CACHD1: variants seen among roughly 807,000 people sequenced by gnomAD.
The protein encoded by CACHD1 is VWFA and cache domain-containing protein 1.
CACHD1 carries 71 observed loss-of-function variants against 138.7 expected under a neutral mutation model. The ratio of observed to expected loss-of-function variants is 0.51; its 90% CI spans 0.42 to 0.62. The LOEUF is 0.62. CACHD1 is among the 20% of genes least tolerant of loss of function. CACHD1 has a pLI of 0.00. For missense variants in CACHD1, 1,389 were observed against 1,625.3 expected (o/e 0.85, Z 2.50); for synonymous variants, 578 against 591.5 (o/e 0.98, Z 0.33).
intron 6 of CACHD1, among the ~76,000 whole-genome samples, 197 bp downstream of exon 6, chr1:64,632,940 C>T (rs1033004716): frequency 2.6e-5 from 4 of 152,198 alleles, no homozygotes; most frequent in Admixed American, 1.3e-4. Flanking sequence ...CTTAAACAGT[C>T]GGAACACCTA....
intron 8 of CACHD1, among the ~76,000 whole-genome samples, chr1:64,645,122 G>A (rs1648860845): frequency 6.6e-6 from 1 of 152,006 alleles, no homozygotes; most frequent in African/African-American, 2.4e-5. Flanking sequence ...TAAAACACTT[G>A]AACTACAGGA....
intron 7 of CACHD1, among the ~76,000 whole-genome samples, chr1:64,637,906 A>G (rs544935388): frequency 1.3e-5 from 2 of 152,312 alleles, no homozygotes; most frequent in Non-Finnish European, 2.9e-5. Flanking sequence ...ATAGATTTCA[A>G]CTAGTGTTCT....
At position 64,652,139 on chromosome 1, in the gene CACHD1, T is replaced by A. The variant is rs12066620; in HGVS notation, c.1391-22T>A. 3.9e-4 allele frequency: 614 copies of A among 1,587,460 alleles called. 3 individuals are homozygous for A. The African/African-American group carries it at 7.2e-3, about 19-fold the overall frequency. On this transcript the variant is annotated intron_variant, in intron 9 of 26. Coordinates refer to ENST00000651257, the MANE Select transcript of CACHD1 (RefSeq NM_020925.4). The stretch of plus-strand genomic sequence containing the variant: ...ATTCCTTCTCTGCTGGTCTTTAGAT[T>A]TATTTTGTTTTTAACCCATAGGTTT...
intron 1 of CACHD1, chr1:64,506,250 T>A (rs1327663863): frequency 6.6e-6 from 1 of 152,224 alleles, no homozygotes; most frequent in African/African-American, 2.4e-5. Context: ...CTTGGCGTTT[T>A]GCTGGGCTCC....
Position 64,691,549 on chromosome 1 carries a change from T to C in CACHD1, c.3813T>C (p.Asp1271=), listed in dbSNP as rs770400869. The change falls in exon 27 of 27, where the codon GAT becomes GAC. Residue 1271 remains aspartate, a synonymous_variant. Coordinates refer to ENST00000651257, the MANE Select transcript of CACHD1 (RefSeq NM_020925.4). The part of the protein sequence containing the change: ...LQAAVTVHTV[D]AEC ...CGGCCGTCACGGTACACACTGTCGATGCAGAATGCTAACAATCTCCTCACC... is the reference window on the plus strand; with the variant it reads ...CGGCCGTCACGGTACACACTGTCGACGCAGAATGCTAACAATCTCCTCACC... 6.2e-7 allele frequency: 1 copy of C among 1,613,590 alleles called. No individual in the cohort carries two copies. The highest frequency in any genetic ancestry group is 1.7e-5 in the Admixed American group (1 of 59,998).
rs1404127226 is a variant in CACHD1, at chr1:64,671,825, G to A, written c.2510+139G>A. The stretch of plus-strand genomic sequence containing the variant: ...ATGGCCTGGGTGTCCTATTAAGAAG[G>A]TTTTTGTTCTTTTTCTCTTCTTTCG... On this transcript the variant is annotated intron_variant, in intron 17 of 26. Transcript: ENST00000651257. 5.7e-6 allele frequency: 6 copies of A among 1,050,702 alleles called. No individual in the cohort carries two copies. In the East Asian group the frequency reaches 1.4e-4, roughly 25 times the overall value. The allele number at this position is 1,050,702 out of a possible 1,614,324, so 65.1% of individuals were successfully genotyped here. A position where few individuals can be genotyped will look rare whatever the true frequency, so the allele number is the denominator to read the frequency against.
intron 13 of CACHD1, among the ~76,000 whole-genome samples, chr1:64,660,121 A>T (rs1006678547): frequency 4.5e-4 from 69 of 152,188 alleles, no homozygotes; most frequent in African/African-American, 1.6e-3. Flanking sequence ...ATGTTTAAAA[A>T]TTTCATATTT....
At chr1:64,621,415 AGC>A (rs1647908877) in intron 4 of CACHD1, among the ~76,000 whole-genome samples, 1 of 152,124 alleles carries the variant, frequency 6.6e-6, no homozygotes, top group African/African-American at 2.4e-5. Flanking sequence ...GATCAAAGCC[AGC>A]TGGAAGTTTG....
intron 2 of CACHD1, among the ~76,000 whole-genome samples, chr1:64,576,910 T>TGTTTG (rs55724211): frequency 3.3e-5 from 5 of 151,606 alleles, no homozygotes; most frequent in Admixed American, 1.3e-4. Flanking sequence ...TTTGTTTGTT[T>TGTTTG]TTTTTTTTTA....
At chr1:64,691,278 C>T (rs372700135) in intron 26 of CACHD1, 45 bp from the exon 27 acceptor site, 152 of 1,563,146 alleles carry the variant, frequency 9.7e-5, no homozygotes, top group Non-Finnish European at 1.3e-4. Context: ...CTTCTGTCTG[C>T]GTCTTGAAGC....
chr1:64,595,863 C>G (rs1647146753), intron 3 of CACHD1, among the ~76,000 whole-genome samples: 1 of 152,158 alleles, frequency 6.6e-6, no homozygotes, highest in South Asian at 2.1e-4. Flanking sequence ...GAGGGAGACA[C>G]TTTATTGCTC....
At chr1:64,494,262 C>A (rs1031670887) in intron 1 of CACHD1, among the ~76,000 whole-genome samples, 2 of 152,170 alleles carry the variant, frequency 1.3e-5, no homozygotes, top group African/African-American at 4.8e-5. Context: ...TTCTTTTAGA[C>A]CAGGTAGGGG....
chr1:64,543,402 CATATAT>C lies in CACHD1; in HGVS notation c.199-7173_199-7168del, dbSNP rs140966471. Among the ~76,000 whole-genome samples, 14 of 126,886 alleles carry C rather than the reference CATATAT, an allele frequency of 1.1e-4. 1 individual carries two copies. Among genetic ancestry groups the C allele is most frequent in the African/African-American group, 3.6e-4 (11 of 30,578 alleles). 83.2% of individuals were successfully genotyped at this position (126,886 alleles called of 152,430 possible). A position where few individuals can be genotyped will look rare whatever the true frequency, so the allele number is the denominator to read the frequency against. On this transcript the variant is annotated intron_variant, in intron 1 of 26. Coordinates refer to ENST00000651257, the MANE Select transcript of CACHD1 (RefSeq NM_020925.4). ...GAGATCCTATCTCTAAAAAAAAATA[CATATAT>C]ATATATATATATATATATTTAAATT...
chr1:64,573,838 GC>G (rs140064205), intron 2 of CACHD1, among the ~76,000 whole-genome samples: 5,384 of 152,312 alleles, frequency 0.035, 124 homozygotes, highest in Middle Eastern at 0.082. Context: ...ATTACCAAGG[GC>G]TGTTGTGAAG....
intron 1 of CACHD1, among the ~76,000 whole-genome samples, chr1:64,483,663 G>A (rs941117191): frequency 2.9e-5 from 4 of 139,420 alleles, no homozygotes; most frequent in African/African-American, 1.2e-4. Flanking sequence ...AGGCAACATG[G>A]TGAGACCCTG....
At chr1:64,482,809 C>G (rs1157659747) in intron 1 of CACHD1, among the ~76,000 whole-genome samples, 2 of 152,078 alleles carry the variant, frequency 1.3e-5, no homozygotes, top group African/African-American at 2.4e-5. Context: ...ATTCAGATAA[C>G]AAATGTAGGC....
chr1:64,533,054 C>A (rs1177033160), intron 1 of CACHD1, among the ~76,000 whole-genome samples: 1 of 152,152 alleles, frequency 6.6e-6, no homozygotes, highest in Admixed American at 6.5e-5. Flanking sequence ...CCAACAGAGC[C>A]CCAAAGAGGG....
intron 7 of CACHD1, among the ~76,000 whole-genome samples, chr1:64,641,387 A>G (rs1355423586): frequency 6.6e-6 from 1 of 152,190 alleles, no homozygotes; most frequent in African/African-American, 2.4e-5. Flanking sequence ...GAAGAGCCCG[A>G]AAGAGTCATC....
chr1:64,522,211 C>T (rs2100378514), intron 1 of CACHD1, among the ~76,000 whole-genome samples: 1 of 152,292 alleles, frequency 6.6e-6, no homozygotes, highest in Admixed American at 6.5e-5. Context: ...GAAGACTCTT[C>T]TTTCCCCACT....
Sources: allele counts gnomAD v4.1 joint callset (sites outside exome capture counted in the v4.1 genomes callset), GRCh38; gene constraint gnomAD v4.1.1; transcripts MANE v1.5; gene names NCBI Gene and HGNC (gene_info 2026-07-23, HGNC 2026-07-21).